Variants in SCN9A observed in about 807,000 individuals in gnomAD.
The protein encoded by SCN9A is sodium voltage-gated channel alpha subunit 9.
SCN9A carries 131 observed loss-of-function variants against 187.0 expected under a neutral mutation model. That is an observed-to-expected ratio of 0.70 (90% CI 0.61 to 0.81). The LOEUF (loss-of-function observed/expected upper bound fraction) is 0.81, where lower values mean the gene tolerates loss of function less well. Among genes scored for constraint, SCN9A ranks in the 30% least tolerant of loss-of-function variants. The pLI is 0.00. For missense variants in SCN9A, 2,252 were observed against 2,396.6 expected, an observed-to-expected ratio of 0.94 and a Z score of 1.26; for synonymous variants, 809 against 808.6, an observed-to-expected ratio of 1.00 and a Z score of -0.01.
intron 16 of SCN9A, 45 bp downstream of exon 16, chr2:166,276,938 A>G (rs1041209226): frequency 9.9e-6 from 15 of 1,514,674 alleles, no homozygotes; most frequent in African/African-American, 1.4e-5. Flanking sequence ...ATCACAAAAT[A>G]ATTTCCACAG....
intron 1 of SCN9A, among the ~76,000 whole-genome samples, chr2:166,363,073 T>C (rs546154866): frequency 2.0e-5 from 3 of 152,016 alleles, no homozygotes; most frequent in Non-Finnish European, 4.4e-5. Context: ...ATATCTGTGG[T>C]ATAAACACTA....
At chr2:166,365,572 T>C (rs973238953) in intron 1 of SCN9A, among the ~76,000 whole-genome samples, 1 of 152,232 alleles carries the variant, frequency 6.6e-6, no homozygotes, top group Non-Finnish European at 1.5e-5. Context: ...ATTTCAACCA[T>C]GCTGGTTTTC....
chr2:166,297,157 A>T (rs1399780599), intron 7 of SCN9A, among the ~76,000 whole-genome samples: 1 of 136,000 alleles, frequency 7.4e-6, no homozygotes, highest in Non-Finnish European at 1.5e-5. Flanking sequence ...AGATAGCGAC[A>T]CTGCATTCCA....
chr2:166,288,060 T>C (rs192151358), intron 10 of SCN9A, among the ~76,000 whole-genome samples: 29 of 145,918 alleles, frequency 2.0e-4, no homozygotes, highest in African/African-American at 6.2e-4. Flanking sequence ...CCTCATGATA[T>C]AATAATTTAA....
At position 166,195,433 on chromosome 2, in the gene SCN9A, A is replaced by T. The variant is rs943695862; in HGVS notation, c.*3239T>A. The T allele has an allele frequency of 3.9e-5, 6 of 152,176 alleles. No individual in the cohort carries two copies. Among genetic ancestry groups the T allele is most frequent in the Admixed American group, 6.5e-5 (1 of 15,274 alleles). The allele number at this position is 152,176 out of a possible 1,614,324, so 9.4% of individuals were successfully genotyped here. A position where few individuals can be genotyped will look rare whatever the true frequency, so the allele number is the denominator to read the frequency against. On this transcript the variant is annotated 3_prime_UTR_variant, in exon 27 of 27. Coordinates refer to ENST00000642356, the MANE Select transcript of SCN9A (RefSeq NM_001365536.1). ...AACATAATAAACCACAGATATTTTT[A>T]AAAAATTGGTGGCCTTCATACATAG...
intron 1 of SCN9A, among the ~76,000 whole-genome samples, chr2:166,370,436 C>T (rs1700531156): frequency 6.6e-6 from 1 of 151,000 alleles, no homozygotes; most frequent in Non-Finnish European, 1.5e-5. Flanking sequence ...CCCAGCTACT[C>T]GGAGGCTGAG....
chr2:166,229,024 A>G (rs1694971315), intron 21 of SCN9A, 52 bp from the exon 22 acceptor site: 1 of 1,412,030 alleles, frequency 7.1e-7, no homozygotes, highest in Non-Finnish European at 9.8e-7. Context: ...GATGTTAAAT[A>G]GGCAACATGA....
At chr2:166,306,063 C>A in intron 4 of SCN9A, 143 bp from the exon 5 acceptor site, 1 of 831,974 alleles carries the variant, frequency 1.2e-6, no homozygotes, top group East Asian at 2.6e-5. Flanking sequence ...CCCTATTAAA[C>A]TACAATAGGT....
chr2:166,360,114 A>G (rs1221145610), intron 1 of SCN9A, among the ~76,000 whole-genome samples: 1 of 150,220 alleles, frequency 6.7e-6, no homozygotes. Flanking sequence ...CCAGCTACTC[A>G]GGAGGCTGAG....
intron 1 of SCN9A, among the ~76,000 whole-genome samples, chr2:166,365,129 A>G (rs1700383940): frequency 6.6e-6 from 1 of 152,144 alleles, no homozygotes. Flanking sequence ...GTTACTCTCA[A>G]TTGTAATCTT....
intron 24 of SCN9A, among the ~76,000 whole-genome samples, chr2:166,215,343 A>C (rs1558955106): frequency 6.6e-6 from 1 of 152,146 alleles, no homozygotes; most frequent in Admixed American, 6.5e-5. Context: ...ACATTAAAGA[A>C]AGAAGGAAAA....
At position 166,286,492 on chromosome 2, in the gene SCN9A, T is replaced by C. The variant is rs747469697; in HGVS notation, c.1446A>G (p.Lys482=). Residue 482 remains lysine (K), a synonymous_variant, in exon 11 of 27, where the codon AAA becomes AAG. Coordinates refer to ENST00000642356, the MANE Select transcript of SCN9A (RefSeq NM_001365536.1). ...CACTGGAGAGCTTCTTTTGATTCTT[T>C]TTCTTTCTTCTGTTTCTTCTTTCTT... ...SAKERRNRRK[K]KNQKKLSSGE... The C allele has an allele frequency of 1.9e-6, 3 of 1,613,716 alleles. No homozygotes were observed. Among genetic ancestry groups the C allele is most frequent in the Non-Finnish European group, 8.5e-7 (1 of 1,179,846 alleles).
chr2:166,246,967 T>G (rs1324380638), intron 18 of SCN9A, among the ~76,000 whole-genome samples: 1 of 151,608 alleles, frequency 6.6e-6, no homozygotes, highest in Non-Finnish European at 1.5e-5. Context: ...ACTAAGCTGG[T>G]TAGCAATGTT....
At position 166,278,118 on chromosome 2, in the gene SCN9A, G is replaced by T. The variant is rs762128921; in HGVS notation, c.2517+22C>A. On this transcript the variant is annotated intron_variant, in intron 15 of 26. Transcript: ENST00000642356. ...ATACCCCTTTATTATAGAATATAATGGCAACCTTAGTTTATGTTTACCAGT... is the reference window on the plus strand; with the variant it reads ...ATACCCCTTTATTATAGAATATAATTGCAACCTTAGTTTATGTTTACCAGT... The T allele has an allele frequency of 5.0e-6, 8 of 1,594,364 alleles. No individual in the cohort carries two copies. In the Admixed American group the frequency reaches 1.0e-4, roughly 21 times the overall value.
chr2:166,200,440 A>G (rs894852364), intron 26 of SCN9A, among the ~76,000 whole-genome samples: 1 of 152,096 alleles, frequency 6.6e-6, no homozygotes, highest in African/African-American at 2.4e-5. Flanking sequence ...AGTGTTTTAC[A>G]TTTTAAGAAT....
At chr2:166,225,480 A>G (rs982446517) in intron 24 of SCN9A, among the ~76,000 whole-genome samples, 84 of 152,264 alleles carry the variant, frequency 5.5e-4, no homozygotes, top group Non-Finnish European at 2.1e-4. Flanking sequence ...TACTGACTCT[A>G]TCTAACCTTC....
chr2:166,231,171 T>C (rs371272881), intron 21 of SCN9A, among the ~76,000 whole-genome samples: 1 of 152,308 alleles, frequency 6.6e-6, no homozygotes, highest in South Asian at 2.1e-4. Context: ...GGAAGTGGTT[T>C]TGTAGGGGAA....
In SCN9A at chr2:166,310,304, G is replaced by A. The variant is rs1239833841; in HGVS notation, c.258+1195C>T. Among the ~76,000 whole-genome samples, 18 of 82,828 alleles carry A rather than the reference G, an allele frequency of 2.2e-4. 6 individuals carry two copies. The East Asian group carries it at 4.4e-3, about 20-fold the overall frequency. 54.3% of individuals were successfully genotyped at this position (82,828 alleles called of 152,430 possible). A position where few individuals can be genotyped will look rare whatever the true frequency, so the allele number is the denominator to read the frequency against. On this transcript the variant is annotated intron_variant, in intron 2 of 26. Transcript: ENST00000642356. ...CACAGCAAAATAAACTACCATCAGAGTGAACATGCAACCTACAAAATGGGA... is the reference window on the plus strand; with the variant it reads ...CACAGCAAAATAAACTACCATCAGAATGAACATGCAACCTACAAAATGGGA...
rs565155245 is a variant in SCN9A at position 166,225,074 on chromosome 2, G to A, written c.4398+1493C>T. 5.6e-4 allele frequency among the ~76,000 whole-genome samples: 85 copies of A among 152,074 alleles called. 3 individuals are homozygous for A. In the South Asian group the frequency reaches 0.017, roughly 30 times the overall value. ...GCTGCTATTAAAAAAGGTCTAATAC[G>A]GCTTTTTATATCTACTCTCAGGCAG... On this transcript the variant is annotated intron_variant, in intron 24 of 26. Coordinates refer to ENST00000642356, the MANE Select transcript of SCN9A (RefSeq NM_001365536.1).
Sources: gnomAD v4.1 joint callset for allele counts (sites outside exome capture counted in the v4.1 genomes callset) on GRCh38, gnomAD v4.1.1 for gene constraint, MANE v1.5 for transcripts, NCBI Gene and HGNC (gene_info 2026-07-23, HGNC 2026-07-21) for gene names.